Variants in GPC1 observed in about 807,000 individuals in gnomAD.
GPC1 encodes the protein glypican-1.
In GPC1, 26 loss-of-function variants were observed where a neutral mutation model predicts 51.5. The ratio of observed to expected loss-of-function variants is 0.50; its 90% CI spans 0.37 to 0.70. The LOEUF (loss-of-function observed/expected upper bound fraction) is 0.70. Ranked by LOEUF, GPC1 falls within the 30% of genes least tolerant of loss-of-function variation. The pLI is 0.00. For missense variants in GPC1, 775 were observed against 800.5 expected (o/e 0.97, Z 0.38); for synonymous variants, 380 against 348.3 (o/e 1.09, Z -1.01).
At position 240,462,006 on chromosome 2, in the gene GPC1, G is replaced by C. The variant is rs1192073998; in HGVS notation, c.326-185G>C. Among the ~76,000 whole-genome samples the C allele has an allele frequency of 2.0e-5, 3 of 152,118 alleles. No homozygotes were observed. In the East Asian group the frequency reaches 5.8e-4, roughly 29 times the overall value. On this transcript the variant is annotated intron_variant, in intron 2 of 8. Coordinates refer to ENST00000264039, the MANE Select transcript of GPC1 (RefSeq NM_002081.3). ...CTGGGCCCCTGCTCCCCAGGCCAGG[G>C]GGTGAGGTCTCGGGGCGCCCCATGG...
intron 2 of GPC1, among the ~76,000 whole-genome samples, chr2:240,461,729 G>A (rs574719023): frequency 5.9e-5 from 9 of 152,246 alleles, no homozygotes; most frequent in South Asian, 2.1e-4. Flanking sequence ...CTGGAGACTC[G>A]CAGGGCAGGC....
chr2:240,463,631 C>G (rs2074236055), intron 4 of GPC1, 119 bp downstream of exon 4: 2 of 835,332 alleles, frequency 2.4e-6, no homozygotes, highest in Non-Finnish European at 3.7e-6. Flanking sequence ...TCAGGGATGC[C>G]CTGACCCGGG....
At chr2:240,459,230 G>A (rs760022275) in intron 2 of GPC1, 42 bp downstream of exon 2, 1 of 1,575,658 alleles carries the variant, frequency 6.3e-7, no homozygotes, top group Non-Finnish European at 8.7e-7. Flanking sequence ...CAGGGTGCCG[G>A]TGCATCGGGG....
intron 1 of GPC1, among the ~76,000 whole-genome samples, chr2:240,441,996 C>T (rs543089335): frequency 1.3e-5 from 2 of 152,256 alleles, no homozygotes; most frequent in South Asian, 2.1e-4. Context: ...GTCTGGAATC[C>T]GGGTGGGTTT....
intron 8 of GPC1, 133 bp downstream of exon 8, chr2:240,465,781 C>G (rs1217391050): frequency 2.6e-6 from 2 of 764,846 alleles, no homozygotes; most frequent in African/African-American, 1.7e-5. Context: ...TCTGAGGACG[C>G]TGTGCTGCCC....
intron 1 of GPC1, among the ~76,000 whole-genome samples, chr2:240,441,310 C>G (rs2074015270): frequency 6.6e-6 from 1 of 152,270 alleles, no homozygotes; most frequent in Non-Finnish European, 1.5e-5. Flanking sequence ...TGGCACTAGA[C>G]AGGAGACGAG....
intron 1 of GPC1, chr2:240,457,914 C>T: frequency 5.2e-6 from 2 of 382,676 alleles, no homozygotes; most frequent in Non-Finnish European, 5.5e-6. Flanking sequence ...ACAACGCCCC[C>T]CCTTGACCCC....
At chr2:240,457,425 C>G (rs1453955377) in intron 1 of GPC1, 1 of 470,582 alleles carries the variant, frequency 2.1e-6, no homozygotes, top group South Asian at 1.5e-5. Flanking sequence ...TTAGAGGGTG[C>G]GGAAGATCAG....
At chr2:240,452,333 T>G (rs1350272930) in intron 1 of GPC1, 2 of 151,764 alleles carry the variant, frequency 1.3e-5, no homozygotes, top group Non-Finnish European at 2.9e-5. Context: ...CAGGGGGGTC[T>G]GGAGTCAAGG....
At chr2:240,464,462 C>A in intron 4 of GPC1, 154 bp from the exon 5 acceptor site, 1 of 991,450 alleles carries the variant, frequency 1.0e-6, no homozygotes. Flanking sequence ...ACATGTCACA[C>A]GGGCCAACCT....
chr2:240,459,314 AG>A, intron 2 of GPC1, 126 bp downstream of exon 2: 1 of 944,542 alleles, frequency 1.1e-6, no homozygotes, highest in East Asian at 2.6e-5. Flanking sequence ...TGGGGGAGTT[AG>A]TGCTTTGGGG....
intron 4 of GPC1, 62 bp downstream of exon 4, chr2:240,463,574 T>G: frequency 6.8e-7 from 1 of 1,464,300 alleles, no homozygotes; most frequent in Non-Finnish European, 9.5e-7. Flanking sequence ...CTGGGGGTCC[T>G]GGGGGGCGGG....
At position 240,466,250 on chromosome 2, in the gene GPC1, T is replaced by C; in HGVS notation, c.1637T>C (p.Leu546Pro). Residue 546 changes from leucine (L) to proline (P), a missense_variant, in exon 9 of 9, where the codon CTC (leucine) becomes CCC (proline). Leu to Pro is a moderately conservative substitution (Grantham distance 98, BLOSUM62 -3). Coordinates refer to ENST00000264039, the MANE Select transcript of GPC1 (RefSeq NM_002081.3). The stretch of plus-strand genomic sequence containing the variant: ...CCGACCTTCCTCCTGCCCCTCCTCC[T>C]CTTCCTGGCCCTTACAGTAGCCAGG... ...QPPTFLLPLL[L>P]FLALTVARPR... 1 of 1,610,716 alleles carries C rather than the reference T, an allele frequency of 6.2e-7. No homozygotes were observed. The highest frequency in any genetic ancestry group is 1.3e-5 in the African/African-American group (1 of 74,898).
intron 1 of GPC1, among the ~76,000 whole-genome samples, chr2:240,439,132 C>T (rs771101397): frequency 4.2e-4 from 64 of 152,150 alleles, no homozygotes; most frequent in Non-Finnish European, 6.0e-4. Flanking sequence ...TTGCTGGGGT[C>T]TCAGCGCCCC....
chr2:240,437,982 G>A (rs2151784477), intron 1 of GPC1, among the ~76,000 whole-genome samples: 2 of 152,312 alleles, frequency 1.3e-5, no homozygotes, highest in Middle Eastern at 6.8e-3. Context: ...TGTGGGTCGT[G>A]CTGCTCTTGG....
chr2:240,453,784 G>GCTGGCGA lies in GPC1; in HGVS notation c.167-5240_167-5234dup, dbSNP rs554898497. Among the ~76,000 whole-genome samples, 963 of 152,004 alleles carry GCTGGCGA rather than the reference G, an allele frequency of 6.3e-3. 9 individuals carry two copies. The highest frequency in any genetic ancestry group is 0.031 in the Middle Eastern group (9 of 292). On this transcript the variant is annotated intron_variant, in intron 1 of 8. Transcript: ENST00000264039. ...GCCGTCTTCGTCCCTGGCCGCGGCG[G>GCTGGCGA]CTGGCGACTGGCATCGGGGCGCCCG...
At chr2:240,459,288 G>A (rs1392337090) in intron 2 of GPC1, 100 bp downstream of exon 2, 5 of 1,154,768 alleles carry the variant, frequency 4.3e-6, no homozygotes, top group African/African-American at 1.5e-5. Context: ...AAGGGTGGGG[G>A]ATTGGCAGGA....
At position 240,458,897 on chromosome 2, in the gene GPC1, C is replaced by G; in HGVS notation, c.167-133C>G. The G allele has an allele frequency of 4.1e-6, 3 of 726,526 alleles. No homozygotes were observed. In the South Asian group the frequency reaches 5.6e-5, roughly 14 times the overall value. The allele number at this position is 726,526 out of a possible 1,614,324, so 45.0% of individuals were successfully genotyped here. ...ACCACTTCTGCCTTCACCCAGGGCA[C>G]CCCCCAGGCTGGCCCACCCCTGAGC... On this transcript the variant is annotated intron_variant, in intron 1 of 8. Coordinates refer to ENST00000264039, the MANE Select transcript of GPC1 (RefSeq NM_002081.3).
In GPC1 at chr2:240,467,799, C is replaced by T. The variant is rs2074278375; in HGVS notation, c.*1509C>T. On this transcript the variant is annotated 3_prime_UTR_variant, in exon 9 of 9. Transcript: ENST00000264039. ...GCCCCCAACACAGGCAAGTCCACCCCATAATAACCCTGCCAGTGCCAGGGT... is the reference window on the plus strand; with the variant it reads ...GCCCCCAACACAGGCAAGTCCACCCTATAATAACCCTGCCAGTGCCAGGGT... 1 of 152,244 alleles carries T rather than the reference C, an allele frequency of 6.6e-6. No homozygotes were observed. Among genetic ancestry groups the T allele is most frequent in the South Asian group, 2.1e-4 (1 of 4,826 alleles). 9.4% of individuals were successfully genotyped at this position (152,244 alleles called of 1,614,324 possible). A position where few individuals can be genotyped will look rare whatever the true frequency, so the allele number is the denominator to read the frequency against.
Sources: allele counts gnomAD v4.1 joint callset (sites outside exome capture counted in the v4.1 genomes callset), GRCh38; gene constraint gnomAD v4.1.1; transcripts MANE v1.5; gene names NCBI Gene and HGNC (gene_info 2026-07-23, HGNC 2026-07-21).